Variants in SORCS2 observed in about 807,000 individuals in gnomAD.
The protein encoded by SORCS2 is sortilin related VPS10 domain containing receptor 2.
A neutral mutation model predicts 141.6 loss-of-function variants in SORCS2; 100 were observed. That is an observed-to-expected ratio of 0.71 (90% confidence interval 0.60 to 0.83). SORCS2 has a LOEUF of 0.83. Among genes scored for constraint, SORCS2 ranks in the 40% least tolerant of loss-of-function variants. The probability of loss-of-function intolerance (pLI) is 0.00; values close to 1 mark genes in which losing one functional copy is unlikely to be tolerated. For missense variants in SORCS2, 1,646 were observed against 1,560.2 expected, an observed-to-expected ratio of 1.05 and a Z score of -0.93; for synonymous variants, 789 against 676.9, an observed-to-expected ratio of 1.17 and a Z score of -2.57.
intron 1 of SORCS2, among the ~76,000 whole-genome samples, chr4:7,368,761 C>T (rs1722067603): frequency 6.6e-6 from 1 of 152,110 alleles, no homozygotes. Context: ...TTGGCTGTGT[C>T]CCCACCCAAA....
intron 1 of SORCS2, among the ~76,000 whole-genome samples, chr4:7,220,684 G>A (rs1403412537): frequency 5.9e-5 from 9 of 152,174 alleles, no homozygotes; most frequent in African/African-American, 2.2e-4. Flanking sequence ...TGAATGAAGT[G>A]CTCGTGGCTC....
In SORCS2 at chr4:7,713,469, C is replaced by T. The variant is rs1389955721; in HGVS notation, c.1989+616C>T. 7.2e-5 allele frequency among the ~76,000 whole-genome samples: 11 copies of T among 152,216 alleles called. No individual in the cohort carries two copies. The South Asian group carries it at 2.3e-3, about 32-fold the overall frequency. On this transcript the variant is annotated intron_variant, in intron 15 of 26. Coordinates refer to ENST00000507866, the MANE Select transcript of SORCS2 (RefSeq NM_020777.3). ...TTAAAGCGCGGGGTGGAAGACTTTA[C>T]TCAAGACCATCACGGTGGGTACAGG...
chr4:7,354,750 T>TGA (rs900176996), intron 1 of SORCS2, among the ~76,000 whole-genome samples: 2 of 152,130 alleles, frequency 1.3e-5, no homozygotes, highest in African/African-American at 4.8e-5. Context: ...TCTCTGAAAC[T>TGA]GGGGGCCTGG....
intron 2 of SORCS2, among the ~76,000 whole-genome samples, chr4:7,489,100 C>G (rs1032970598): frequency 6.6e-5 from 10 of 152,192 alleles, no homozygotes; most frequent in Non-Finnish European, 1.3e-4. Context: ...TGGTCGCTAA[C>G]CAAATGGTTG....
intron 2 of SORCS2, among the ~76,000 whole-genome samples, chr4:7,417,715 G>A (rs943142502): frequency 1.1e-4 from 17 of 152,184 alleles, no homozygotes; most frequent in Admixed American, 1.3e-4. Context: ...TTGCCCAGGC[G>A]TGCACTCCTC....
chr4:7,742,664 G>T lies in SORCS2; in HGVS notation c.*2400G>T, dbSNP rs1187426467. On this transcript the variant is annotated 3_prime_UTR_variant, in exon 27 of 27. Transcript: ENST00000507866. ...GTCTGTCCCTGGTTGTAAATTCGAGGGTCTGCATATCTGATGTTCAGGTAG... is the reference window on the plus strand; with the variant it reads ...GTCTGTCCCTGGTTGTAAATTCGAGTGTCTGCATATCTGATGTTCAGGTAG... 6.6e-6 allele frequency: 1 copy of T among 152,164 alleles called. No homozygotes were observed. The highest frequency in any genetic ancestry group is 1.5e-5 in the Non-Finnish European group (1 of 68,030). 9.4% of individuals were successfully genotyped at this position (152,164 alleles called of 1,614,324 possible).
At position 7,434,561 on chromosome 4, in the gene SORCS2, A is replaced by T. The variant is rs752892557; in HGVS notation, c.548+38206A>T. ...CTGTGGGCATCCACCATCCACTTGC[A>T]TCCGGCTGAAGACTCCTGGCTGGGG... On this transcript the variant is annotated intron_variant, in intron 2 of 26. Transcript: ENST00000507866. 12 of 1,613,518 alleles carry T rather than the reference A, an allele frequency of 7.4e-6. No individual in the cohort carries two copies. Among genetic ancestry groups the T allele is most frequent in the African/African-American group, 1.3e-5 (1 of 75,064 alleles).
chr4:7,355,064 C>A (rs1171573666), intron 1 of SORCS2, among the ~76,000 whole-genome samples: 1 of 152,056 alleles, frequency 6.6e-6, no homozygotes, highest in African/African-American at 2.4e-5. Flanking sequence ...CCAATCTGTT[C>A]TGTATGTTGG....
chr4:7,398,797 C>G (rs913102402), intron 2 of SORCS2, among the ~76,000 whole-genome samples: 2 of 152,156 alleles, frequency 1.3e-5, no homozygotes, highest in Non-Finnish European at 2.9e-5. Flanking sequence ...TTAGCTGTCC[C>G]CTTATTGATG....
intron 3 of SORCS2, among the ~76,000 whole-genome samples, chr4:7,613,435 G>T (rs1401638654): frequency 1.3e-5 from 2 of 152,186 alleles, no homozygotes; most frequent in Non-Finnish European, 2.9e-5. Context: ...AGCAGGGTAG[G>T]CCTGGGCCGC....
chr4:7,706,771 AGATGAGGCTGGGCTCTGTCTGGGCAGG>A (rs1725496445), intron 14 of SORCS2, among the ~76,000 whole-genome samples: 28 of 93,392 alleles, frequency 3.0e-4, no homozygotes, highest in African/African-American at 8.6e-4. Flanking sequence ...GCCTGGACAG[AGATGAGGCTGGGCTCTGTCTGGGCAGG>A]GATGAGGCTG....
intron 13 of SORCS2, among the ~76,000 whole-genome samples, chr4:7,703,884 G>A (rs1166076311): frequency 6.6e-6 from 1 of 152,220 alleles, no homozygotes; most frequent in Non-Finnish European, 1.5e-5. Context: ...GCCCTACCAC[G>A]GGCCTGGCAA....
chr4:7,600,227 T>G (rs1717567241), intron 3 of SORCS2, among the ~76,000 whole-genome samples: 1 of 152,206 alleles, frequency 6.6e-6, no homozygotes, highest in African/African-American at 2.4e-5. Context: ...CTGTCACAGC[T>G]TACCACAAGC....
At chr4:7,379,050 C>G (rs889365623) in intron 1 of SORCS2, among the ~76,000 whole-genome samples, 3 of 152,160 alleles carry the variant, frequency 2.0e-5, no homozygotes, top group Non-Finnish European at 4.4e-5. Context: ...ACACGCTGAT[C>G]ACGCACATCT....
chr4:7,409,102 T>C (rs1487453006), intron 2 of SORCS2, among the ~76,000 whole-genome samples: 1 of 152,262 alleles, frequency 6.6e-6, no homozygotes, highest in East Asian at 1.9e-4. Flanking sequence ...TTTTGGGAGA[T>C]CATGGTTCCC....
At chr4:7,650,498 G>A (rs768699250) in intron 4 of SORCS2, among the ~76,000 whole-genome samples, 12 of 152,184 alleles carry the variant, frequency 7.9e-5, no homozygotes, top group Non-Finnish European at 1.3e-4. Context: ...TGGAGCGCAC[G>A]CAAGGTCTCC....
At chr4:7,674,578 TAAAA>T (rs377431157) in intron 8 of SORCS2, among the ~76,000 whole-genome samples, 21 of 82,576 alleles carry the variant, frequency 2.5e-4, no homozygotes, top group African/African-American at 7.7e-4. Flanking sequence ...TGTCTCAAAA[TAAAA>T]AAAAAAAAAA....
intron 1 of SORCS2, among the ~76,000 whole-genome samples, chr4:7,242,361 AT>A (rs541085868): frequency 5.3e-5 from 8 of 150,250 alleles, no homozygotes; most frequent in African/African-American, 1.7e-4. Context: ...CGCCTGGATG[AT>A]TTTTTTTTTA....
chr4:7,466,622 G>C (rs112061414), intron 2 of SORCS2, among the ~76,000 whole-genome samples: 2,734 of 152,308 alleles, frequency 0.018, 82 homozygotes, highest in African/African-American at 0.062. Context: ...GGTCCTGTAG[G>C]AGGTGGGCAC....
Sources: gnomAD v4.1 joint callset for allele counts (sites outside exome capture counted in the v4.1 genomes callset) on GRCh38, gnomAD v4.1.1 for gene constraint, MANE v1.5 for transcripts, NCBI Gene and HGNC (gene_info 2026-07-23, HGNC 2026-07-21) for gene names.